PCYT1A: variants seen among roughly 807,000 people sequenced by gnomAD.
PCYT1A encodes choline-phosphate cytidylyltransferase A.
PCYT1A carries 25 observed loss-of-function variants against 43.7 expected under a neutral mutation model. The observed-to-expected ratio is 0.57, with a 90% CI of 0.42 to 0.80. The LOEUF (loss-of-function observed/expected upper bound fraction) is 0.80. PCYT1A is among the 30% of genes least tolerant of loss of function. PCYT1A has a pLI of 0.00. For missense variants in PCYT1A, 421 were observed against 474.2 expected (o/e 0.89, Z 1.04); for synonymous variants, 172 against 170.7 (o/e 1.01, Z -0.06).
At chr3:196,285,389 G>A (rs2108785034) in intron 1 of PCYT1A, among the ~76,000 whole-genome samples, 1 of 152,266 alleles carries the variant, frequency 6.6e-6, no homozygotes, top group East Asian at 1.9e-4. Context: ...GAACCAGGAG[G>A]CGGAGGTTGC....
In PCYT1A at chr3:196,257,907, A is replaced by G; in HGVS notation, c.118-20T>C. The G allele has an allele frequency of 6.7e-7, 1 of 1,499,404 alleles. No homozygotes were observed. The highest frequency in any genetic ancestry group is 9.3e-7 in the Non-Finnish European group (1 of 1,077,768). The allele number at this position is 1,499,404 out of a possible 1,614,324, so 92.9% of individuals were successfully genotyped here. ...TAAGCCCTTAAGAAATGGAAAGTGA[A>G]GGAAAAGAAAGTTCAACTCAATGGC... On this transcript the variant is annotated intron_variant, in intron 2 of 8. Coordinates refer to ENST00000431016, the MANE Select transcript of PCYT1A (RefSeq NM_001312673.2).
rs1425664492 is a variant in PCYT1A, at chr3:196,247,355, C to G, written c.486+12G>C. On this transcript the variant is annotated intron_variant, in intron 5 of 8. Coordinates refer to ENST00000431016, the MANE Select transcript of PCYT1A (RefSeq NM_001312673.2). This position sits in a 1 kb window ranked among gnomAD's most constrained non-coding sequence, Gnocchi z 4.8. ...TGAAACAAGGAATGGGAATATGTGT[C>G]CAGTTTCTTACCCGGTGTTCGGCCA... 6.2e-7 allele frequency: 1 copy of G among 1,613,370 alleles called. No homozygotes were observed. The highest frequency in any genetic ancestry group is 1.3e-5 in the African/African-American group (1 of 75,030).
In PCYT1A at chr3:196,269,899, GGTCT is replaced by G. The variant is rs199886688; in HGVS notation, c.117+512_117+515del. ...CTTTTTATTTTTATTTTTGAGATAG[GGTCT>G]GTCTCTGTTGCCCAGGCTGGAATGC... On this transcript the variant is annotated intron_variant, in intron 2 of 8. Transcript: ENST00000431016. Among the ~76,000 whole-genome samples, 1,476 of 152,042 alleles carry G rather than the reference GGTCT, an allele frequency of 9.7e-3. 25 individuals carry two copies. The highest frequency in any genetic ancestry group is 0.034 in the African/African-American group (1,418 of 41,464).
In PCYT1A at chr3:196,236,658, T is replaced by A. The variant is rs938574615; in HGVS notation, c.*2030A>T. 5 of 152,042 alleles carry A rather than the reference T, an allele frequency of 3.3e-5. No homozygotes were observed. The highest frequency in any genetic ancestry group is 2.0e-4 in the Admixed American group (3 of 15,262). The allele number at this position is 152,042 out of a possible 1,614,324, so 9.4% of individuals were successfully genotyped here. ...TTGATTATTTCTCTTTATTTCTGTA[T>A]GTGTGTGTGGTTTTTGTTTTGTTTT... On this transcript the variant is annotated 3_prime_UTR_variant, in exon 9 of 9. Transcript: ENST00000431016.
intron 2 of PCYT1A, among the ~76,000 whole-genome samples, chr3:196,260,363 G>A (rs1451284249): frequency 6.6e-6 from 1 of 152,220 alleles, no homozygotes; most frequent in East Asian, 1.9e-4. Context: ...AAAAAGACAG[G>A]CAATAACAAA....
Position 196,247,226 on chromosome 3 carries a change from A to G in PCYT1A, c.486+141T>C. ...TCAGGGGTGACTGTTATCACTAGTA[A>G]TATCACTGTCATCTCCTACGAAACT... On this transcript the variant is annotated intron_variant, in intron 5 of 8. Coordinates refer to ENST00000431016, the MANE Select transcript of PCYT1A (RefSeq NM_001312673.2). The surrounding 1 kb of genome is among the most constrained non-coding windows in gnomAD (Gnocchi z 4.8). 3 of 840,334 alleles carry G rather than the reference A, an allele frequency of 3.6e-6. No individual in the cohort carries two copies. Among genetic ancestry groups the G allele is most frequent in the Non-Finnish European group, 5.9e-6 (3 of 510,584 alleles). The allele number at this position is 840,334 out of a possible 1,614,324, so 52.1% of individuals were successfully genotyped here. A position where few individuals can be genotyped will look rare whatever the true frequency, so the allele number is the denominator to read the frequency against.
intron 1 of PCYT1A, among the ~76,000 whole-genome samples, chr3:196,279,189 G>A (rs1438726548): frequency 6.6e-6 from 1 of 151,164 alleles, no homozygotes; most frequent in Non-Finnish European, 1.5e-5. Flanking sequence ...CCAGGAGACT[G>A]AGGCAGGAGA....
intron 2 of PCYT1A, among the ~76,000 whole-genome samples, 180 bp downstream of exon 2, chr3:196,270,235 T>C (rs1725391027): frequency 6.6e-6 from 1 of 152,214 alleles, no homozygotes; most frequent in African/African-American, 2.4e-5. Context: ...CTAAACCCAA[T>C]GTAAAGCTTC....
intron 7 of PCYT1A, chr3:196,241,598 G>A: frequency 7.6e-7 from 1 of 1,312,656 alleles, no homozygotes; most frequent in Non-Finnish European, 1.0e-6. Context: ...ATCCACACGA[G>A]GAGGGCTCAT....
rs751625416 is a variant in PCYT1A, at chr3:196,247,364, T to C, written c.486+3A>G. On this transcript the variant is annotated splice_donor_region_variant and intron_variant, in intron 5 of 8. Transcript: ENST00000431016. The surrounding 1 kb of genome is among the most constrained non-coding windows in gnomAD (Gnocchi z 4.8). ...GAATGGGAATATGTGTCCAGTTTCT[T>C]ACCCGGTGTTCGGCCAGGAACTCGG... is the stretch of plus-strand genomic sequence containing the variant. 6.2e-7 allele frequency: 1 copy of C among 1,613,864 alleles called. No homozygotes were observed. Among genetic ancestry groups the C allele is most frequent in the East Asian group, 2.2e-5 (1 of 44,894 alleles).
At chr3:196,253,302 A>C (rs1577361905) in intron 3 of PCYT1A, among the ~76,000 whole-genome samples, 1 of 141,382 alleles carries the variant, frequency 7.1e-6, no homozygotes, top group Non-Finnish European at 1.5e-5. Context: ...GCGCCACTGC[A>C]CTCCAGCCTG....
At chr3:196,274,583 G>A (rs1725535056) in intron 1 of PCYT1A, among the ~76,000 whole-genome samples, 1 of 152,152 alleles carries the variant, frequency 6.6e-6, no homozygotes, top group Admixed American at 6.5e-5. Context: ...CACAAGATAC[G>A]GTTCAGAGAA....
chr3:196,255,264 A>G (rs981687396), intron 3 of PCYT1A, among the ~76,000 whole-genome samples: 1 of 152,174 alleles, frequency 6.6e-6, no homozygotes, highest in Non-Finnish European at 1.5e-5. Context: ...CCAAAAATAC[A>G]ATTATTTTGC....
In PCYT1A at chr3:196,240,372, G is replaced by T. The variant is rs548495635; in HGVS notation, c.709-637C>A. On this transcript the variant is annotated intron_variant, in intron 7 of 8. Transcript: ENST00000431016. Reference sequence around the variant, plus strand: ...GTATAAACCCTCCGGTGGAAGGGAAGGGAGTATTTAGTCAAATGAGAAGTA... The same window carrying T: ...GTATAAACCCTCCGGTGGAAGGGAATGGAGTATTTAGTCAAATGAGAAGTA... 2.6e-5 allele frequency among the ~76,000 whole-genome samples: 4 copies of T among 152,314 alleles called. No individual in the cohort carries two copies. The South Asian group carries it at 6.2e-4, about 24-fold the overall frequency.
Position 196,247,251 on chromosome 3 carries a change from T to C in PCYT1A, c.486+116A>G. 1 of 1,052,614 alleles carries C rather than the reference T, an allele frequency of 9.5e-7. No homozygotes were observed. The highest frequency in any genetic ancestry group is 1.4e-6 in the Non-Finnish European group (1 of 694,156). The allele number at this position is 1,052,614 out of a possible 1,614,324, so 65.2% of individuals were successfully genotyped here. On this transcript the variant is annotated intron_variant, in intron 5 of 8. Transcript: ENST00000431016. This position sits in a 1 kb window ranked among gnomAD's most constrained non-coding sequence, Gnocchi z 4.8. ...ATATCACTGTCATCTCCTACGAAAC[T>C]TACATAAGAGGTAGAAGTAAAACAC...
chr3:196,256,227 C>A (rs1316441968), intron 3 of PCYT1A, among the ~76,000 whole-genome samples: 1 of 152,212 alleles, frequency 6.6e-6, no homozygotes, highest in Non-Finnish European at 1.5e-5. Context: ...CGCGGTGGCT[C>A]ACGCCTGCAA....
rs145397873 is a variant in PCYT1A at position 196,245,819 on chromosome 3, C to T, written c.486+1548G>A. On this transcript the variant is annotated intron_variant, in intron 5 of 8. Transcript: ENST00000431016. ...ACAAGAAATTAGCCGGGCATGGTGG[C>T]GCGCACCTGTAATCCCAGCTACTCG... 4.8e-3 allele frequency among the ~76,000 whole-genome samples: 724 copies of T among 152,056 alleles called. 5 individuals carry two copies. The highest frequency in any genetic ancestry group is 0.016 in the African/African-American group (683 of 41,462).
At chr3:196,240,327 T>C (rs1285411671) in intron 7 of PCYT1A, among the ~76,000 whole-genome samples, 1 of 152,242 alleles carries the variant, frequency 6.6e-6, no homozygotes, top group South Asian at 2.1e-4. Flanking sequence ...TTACCAACTT[T>C]GCTAAAGATA....
In PCYT1A at chr3:196,236,412, T is replaced by C. The variant is rs902343913; in HGVS notation, c.*2276A>G. On this transcript the variant is annotated 3_prime_UTR_variant, in exon 9 of 9. Coordinates refer to ENST00000431016, the MANE Select transcript of PCYT1A (RefSeq NM_001312673.2). ...GCAGAAAAGTTCAAAGATGAGACTA[T>C]GTAACACTGGGTAACACAGGAAAAC... is the stretch of plus-strand genomic sequence containing the variant. The C allele has an allele frequency of 2.6e-5, 4 of 152,254 alleles. No individual in the cohort carries two copies. The highest frequency in any genetic ancestry group is 9.6e-5 in the African/African-American group (4 of 41,462). 9.4% of individuals were successfully genotyped at this position (152,254 alleles called of 1,614,324 possible). A position where few individuals can be genotyped will look rare whatever the true frequency, so the allele number is the denominator to read the frequency against.
Sources: allele counts gnomAD v4.1 joint callset (sites outside exome capture counted in the v4.1 genomes callset), GRCh38; gene constraint gnomAD v4.1.1; non-coding constraint Gnocchi (gnomAD v3.1); transcripts MANE v1.5; gene names NCBI Gene and HGNC (gene_info 2026-07-23, HGNC 2026-07-21).